The following MEX3C variants were observed in gnomAD, a reference collection of about 807,000 sequenced individuals.
MEX3C encodes the protein RNA-binding E3 ubiquitin-protein ligase MEX3C.
MEX3C carries 15 observed loss-of-function variants against 35.5 expected under a neutral mutation model. That is an observed-to-expected ratio of 0.42 (90% CI 0.28 to 0.65). The LOEUF is 0.65. Ranked by LOEUF, MEX3C falls within the 30% of genes least tolerant of loss-of-function variation. MEX3C has a pLI of 0.20. For missense variants in MEX3C, 711 were observed against 842.8 expected (o/e 0.84, Z 1.94); for synonymous variants, 390 against 352.8 (o/e 1.11, Z -1.18).
chr18:51,177,670 T>C lies in MEX3C; in HGVS notation c.755-94A>G. On this transcript the variant is annotated intron_variant, in intron 1 of 1. Transcript: ENST00000406189. The surrounding 1 kb of genome is among the most constrained non-coding windows in gnomAD (Gnocchi z 4.2). The stretch of plus-strand genomic sequence containing the variant: ...GAATGCACCTTTTAAGCTAAATATC[T>C]GGTTATGGGTTAAGTTTTAGAGTTT... The C allele has an allele frequency of 7.4e-7, 1 of 1,360,468 alleles. No homozygotes were observed. 84.3% of individuals were successfully genotyped at this position (1,360,468 alleles called of 1,614,324 possible).
At chr18:51,187,251 T>G (rs1323442678) in intron 1 of MEX3C, among the ~76,000 whole-genome samples, 1 of 152,110 alleles carries the variant, frequency 6.6e-6, no homozygotes, top group African/African-American at 2.4e-5. Context: ...ACATGGCCAT[T>G]TGGAAAAGAT....
chr18:51,180,636 C>A (rs1225331679), intron 1 of MEX3C, among the ~76,000 whole-genome samples: 1 of 152,134 alleles, frequency 6.6e-6, no homozygotes, highest in Admixed American at 6.5e-5. Flanking sequence ...CACCACCACA[C>A]CCGGGTAATT....
chr18:51,193,106 T>C (rs950139161), intron 1 of MEX3C: 2 of 152,164 alleles, frequency 1.3e-5, no homozygotes, highest in African/African-American at 4.8e-5. Context: ...AAAGTATTAA[T>C]TGTTAATAAA....
intron 1 of MEX3C, among the ~76,000 whole-genome samples, chr18:51,179,414 G>C (rs1224572416): frequency 6.6e-6 from 1 of 152,142 alleles, no homozygotes; most frequent in Non-Finnish European, 1.5e-5. Context: ...CACAGGTTGA[G>C]TTATCCCCTA....
chr18:51,188,719 A>C (rs1912592089), intron 1 of MEX3C, among the ~76,000 whole-genome samples: 1 of 152,210 alleles, frequency 6.6e-6, no homozygotes, highest in Non-Finnish European at 1.5e-5. Flanking sequence ...TAAGAAAAAA[A>C]TTTAGTTCAA....
At chr18:51,192,490 G>A (rs1893378) in intron 1 of MEX3C, among the ~76,000 whole-genome samples, 76,211 of 151,898 alleles carry the variant, frequency 0.5, 19,263 homozygotes, top group Non-Finnish European at 0.53. Context: ...ATTTTTAGCT[G>A]GACACATTAG....
At chr18:51,180,622 T>C (rs1344047208) in intron 1 of MEX3C, among the ~76,000 whole-genome samples, 1 of 152,018 alleles carries the variant, frequency 6.6e-6, no homozygotes, top group Non-Finnish European at 1.5e-5. Context: ...GGATTACAGG[T>C]GCCCACCACC....
At chr18:51,186,260 A>T (rs1266756176) in intron 1 of MEX3C, among the ~76,000 whole-genome samples, 1 of 152,218 alleles carries the variant, frequency 6.6e-6, no homozygotes, top group East Asian at 1.9e-4. Flanking sequence ...GCAACACTGA[A>T]TACAGTAACC....
Position 51,176,200 on chromosome 18 carries a change from C to G in MEX3C, c.*151G>C. 2.6e-6 allele frequency: 2 copies of G among 767,868 alleles called. No homozygotes were observed. Among genetic ancestry groups the G allele is most frequent in the South Asian group, 4.6e-5 (2 of 43,432 alleles). 47.6% of individuals were successfully genotyped at this position (767,868 alleles called of 1,614,324 possible). A position where few individuals can be genotyped will look rare whatever the true frequency, so the allele number is the denominator to read the frequency against. ...TTAGGTTTAGTGTTACCATAGCAGC[C>G]TTTTATAAGTTTACTAACAACTTTA... On this transcript the variant is annotated 3_prime_UTR_variant, in exon 2 of 2. Coordinates refer to ENST00000406189, the MANE Select transcript of MEX3C (RefSeq NM_016626.5).
intron 1 of MEX3C, among the ~76,000 whole-genome samples, chr18:51,192,020 T>C (rs1247615001): frequency 6.6e-6 from 1 of 152,180 alleles, no homozygotes; most frequent in African/African-American, 2.4e-5. Flanking sequence ...ATCAGCAATA[T>C]ATTAAGCATT....
At chr18:51,192,557 C>G (rs1286920588) in intron 1 of MEX3C, among the ~76,000 whole-genome samples, 2 of 152,060 alleles carry the variant, frequency 1.3e-5, no homozygotes, top group African/African-American at 4.8e-5. Flanking sequence ...AAAATTTTAT[C>G]AAGTAAACTA....
At position 51,196,762 on chromosome 18, in the gene MEX3C, GCACCCCCGC is replaced by G. The variant is rs1568236579; in HGVS notation, c.550_558del (p.Ala184_Val186del). 1 of 1,501,684 alleles carries G rather than the reference GCACCCCCGC, an allele frequency of 6.7e-7. No individual in the cohort carries two copies. 93.0% of individuals were successfully genotyped at this position (1,501,684 alleles called of 1,614,324 possible). A position where few individuals can be genotyped will look rare whatever the true frequency, so the allele number is the denominator to read the frequency against. ...CCCTGGGCATCGTCCCCTCCGTACA[GCACCCCCGC>G]CGCCGCCGCCGCGGCCGCCGCCTCC... On this transcript the variant is annotated inframe_deletion, in exon 1 of 2. Coordinates refer to ENST00000406189, the MANE Select transcript of MEX3C (RefSeq NM_016626.5).
At chr18:51,190,833 G>C (rs996755887) in intron 1 of MEX3C, among the ~76,000 whole-genome samples, 4 of 152,122 alleles carry the variant, frequency 2.6e-5, no homozygotes, top group Non-Finnish European at 5.9e-5. Context: ...TTTAATCTTT[G>C]TAAGTCTCTA....
intron 1 of MEX3C, among the ~76,000 whole-genome samples, chr18:51,189,541 T>C (rs1303657072): frequency 1.3e-5 from 2 of 152,164 alleles, no homozygotes; most frequent in Non-Finnish European, 2.9e-5. Context: ...TTAAATTAAA[T>C]CTAAAACCCC....
rs1228623443 is a variant in MEX3C at position 51,197,596 on chromosome 18, C to T, written c.-276G>A. Among the ~76,000 whole-genome samples, 1 of 151,170 alleles carries T rather than the reference C, an allele frequency of 6.6e-6. No individual in the cohort carries two copies. The highest frequency in any genetic ancestry group is 2.4e-5 in the African/African-American group (1 of 41,174). On this transcript the variant is annotated 5_prime_UTR_variant, in exon 1 of 2. Coordinates refer to ENST00000406189, the MANE Select transcript of MEX3C (RefSeq NM_016626.5). The stretch of plus-strand genomic sequence containing the variant: ...GCTGGTGGAGGTGGCAGCGGCTCCC[C>T]TCTCAGTGTTTCTTTTGTTTCATGG...
At chr18:51,178,482 A>G (rs1255203235) in intron 1 of MEX3C, among the ~76,000 whole-genome samples, 1 of 151,878 alleles carries the variant, frequency 6.6e-6, no homozygotes, top group Non-Finnish European at 1.5e-5. Context: ...AAGGAATAAA[A>G]CTCTGGGGTT....
In MEX3C at chr18:51,176,816, A is replaced by C. The variant is rs755070590; in HGVS notation, c.1515T>G (p.Ser505=). The change falls in exon 2 of 2, where the codon TCT becomes TCG. Residue 505 remains serine (S), a synonymous_variant. Coordinates refer to ENST00000406189, the MANE Select transcript of MEX3C (RefSeq NM_016626.5). ...DSPAFDSLPT[S]AQTIWTPFEP... ...CAAATGGAGTCCAGATAGTTTGAGC[A>C]GATGTTGGTAAAGAGTCAAAGGCAG... The C allele has an allele frequency of 1.9e-6, 3 of 1,614,020 alleles. No individual in the cohort carries two copies. The East Asian group carries it at 6.7e-5, about 36-fold the overall frequency.
At chr18:51,184,654 T>C (rs1912497899) in intron 1 of MEX3C, among the ~76,000 whole-genome samples, 1 of 151,958 alleles carries the variant, frequency 6.6e-6, no homozygotes, top group South Asian at 2.1e-4. Flanking sequence ...TTCAGGAGTT[T>C]GAAACCAGCC....
At chr18:51,180,747 T>C (rs1912409361) in intron 1 of MEX3C, among the ~76,000 whole-genome samples, 2 of 152,180 alleles carry the variant, frequency 1.3e-5, no homozygotes, top group Non-Finnish European at 2.9e-5. Context: ...CCTCCCAAAG[T>C]GCTGGGATTA....
Sources: gnomAD v4.1 joint callset for allele counts (sites outside exome capture counted in the v4.1 genomes callset) on GRCh38, gnomAD v4.1.1 for gene constraint, Gnocchi (gnomAD v3.1) non-coding constraint, MANE v1.5 for transcripts, NCBI Gene and HGNC (gene_info 2026-07-23, HGNC 2026-07-21) for gene names.